TLE7: variants seen among roughly 807,000 people sequenced by gnomAD.
The protein encoded by TLE7 is transducin-like enhancer protein 7.
intron 1 of TLE7, among the ~76,000 whole-genome samples, chr16:71,433,923 A>C (rs1408618130): frequency 6.6e-6 from 1 of 152,164 alleles, no homozygotes; most frequent in Non-Finnish European, 1.5e-5. Context: ...GTGCCACTGC[A>C]CTCCAGCCTG....
intron 1 of TLE7, among the ~76,000 whole-genome samples, chr16:71,441,310 G>T (rs1345764513): frequency 2.6e-5 from 4 of 152,230 alleles, no homozygotes; most frequent in South Asian, 2.1e-4. Context: ...GTCTTGAACT[G>T]CTGGCCCCAA....
chr16:71,430,852 A>G (rs1453494569), intron 8 of TLE7, 111 bp from the exon 9 acceptor site: 6 of 397,198 alleles, frequency 1.5e-5, no homozygotes, highest in East Asian at 7.1e-5. Context: ...TTCCCTATCT[A>G]TGAAAATCAG....
At chr16:71,432,777 A>C (rs891081104) in intron 3 of TLE7, 54 bp from the exon 4 acceptor site, 5 of 398,500 alleles carry the variant, frequency 1.3e-5, no homozygotes, top group Non-Finnish European at 1.8e-5. Flanking sequence ...CTTCAGGGAG[A>C]AGCCTGCTCT....
intron 1 of TLE7, among the ~76,000 whole-genome samples, chr16:71,441,594 G>A (rs1386300071): frequency 1.3e-5 from 2 of 152,248 alleles, no homozygotes; most frequent in Non-Finnish European, 2.9e-5. Context: ...CGCGCTCCCG[G>A]AAAGCGGGCA....
chr16:71,435,852 G>A (rs2145044980), intron 1 of TLE7, among the ~76,000 whole-genome samples: 1 of 152,330 alleles, frequency 6.6e-6, no homozygotes, highest in South Asian at 2.1e-4. Flanking sequence ...TGAGCTTGGA[G>A]CATGGAAACT....
rs1192221516 is a variant in TLE7 at position 71,433,174 on chromosome 16, A to C, written c.151T>G (p.Trp51Gly). The change falls in exon 2 of 10, where the codon TGG becomes GGG. Residue 51 changes from tryptophan (W) to glycine (G), a missense_variant. Trp to Gly is a radical substitution (Grantham distance 184, BLOSUM62 -2). Transcript: ENST00000561754. ...QQLGSLLGVPWQPPGPPIQHS... is the reference protein window; with the variant it reads ...QQLGSLLGVPGQPPGPPIQHS... ...TGTATTGGGGGGCCCGGGGGCTGCC[A>C]GGGCACTCCCAACAGACTGCCCAGT... is the stretch of plus-strand genomic sequence containing the variant. 5.0e-6 allele frequency: 2 copies of C among 398,590 alleles called. No individual in the cohort carries two copies. The highest frequency in any genetic ancestry group is 8.8e-6 in the Non-Finnish European group (2 of 226,144). 24.7% of individuals were successfully genotyped at this position (398,590 alleles called of 1,614,324 possible).
intron 1 of TLE7, among the ~76,000 whole-genome samples, chr16:71,434,842 G>C (rs1293600974): frequency 6.6e-6 from 1 of 152,170 alleles, no homozygotes; most frequent in East Asian, 1.9e-4. Context: ...CCGATGCAGT[G>C]ACCTTTAACC....
At position 71,431,330 on chromosome 16, in the gene TLE7, G is replaced by C. The variant is rs1361567152; in HGVS notation, c.994-56C>G. 1 of 399,234 alleles carries C rather than the reference G, an allele frequency of 2.5e-6. No individual in the cohort carries two copies. The highest frequency in any genetic ancestry group is 4.4e-6 in the Non-Finnish European group (1 of 226,238). The allele number at this position is 399,234 out of a possible 1,614,324, so 24.7% of individuals were successfully genotyped here. On this transcript the variant is annotated intron_variant, in intron 7 of 9. Coordinates refer to ENST00000561754, the MANE Select transcript of TLE7 (RefSeq NM_001367365.2). The surrounding 1 kb of genome is among the most constrained non-coding windows in gnomAD (Gnocchi z 4.5). ...CTCAAAGTTGCCAACGCCATCCTTT[G>C]TGCCCACCTCTCAAGCTCACACTCC...
rs1567555568 is a variant in TLE7, at chr16:71,432,144, C to G, written c.575G>C (p.Gly192Ala). ...RVWDESALHAGEKAPRAQLDL... is the reference protein window; with the variant it reads ...RVWDESALHAAEKAPRAQLDL... The stretch of plus-strand genomic sequence containing the variant: ...CAGCTGGGCCCGAGGGGCCTTCTCC[C>G]CCGCATGCAGCGCACTCTCATCCCA... The change falls in exon 5 of 10, where the codon GGG becomes GCG. Residue 192 changes from glycine (G) to alanine (A), a missense_variant. Coordinates refer to ENST00000561754, the MANE Select transcript of TLE7 (RefSeq NM_001367365.2). 1 of 401,018 alleles carries G rather than the reference C, an allele frequency of 2.5e-6. No individual in the cohort carries two copies. The highest frequency in any genetic ancestry group is 4.4e-5 in the Admixed American group (1 of 22,730). 24.8% of individuals were successfully genotyped at this position (401,018 alleles called of 1,614,324 possible).
At chr16:71,441,718 C>G (rs1244124832) in intron 1 of TLE7, among the ~76,000 whole-genome samples, 6 of 152,230 alleles carry the variant, frequency 3.9e-5, no homozygotes, top group Non-Finnish European at 8.8e-5. Context: ...CGCAGGGCCC[C>G]GCTCCCCTGC....
chr16:71,439,415 A>C (rs568292331), intron 1 of TLE7, among the ~76,000 whole-genome samples: 3 of 152,164 alleles, frequency 2.0e-5, no homozygotes, highest in African/African-American at 4.8e-5. Flanking sequence ...TGGAGCACAG[A>C]GGGTGTGTGT....
At chr16:71,433,467 A>T (rs2042815250) in intron 1 of TLE7, 47 bp from the exon 2 acceptor site, 1 of 397,352 alleles carries the variant, frequency 2.5e-6, no homozygotes, top group Admixed American at 4.4e-5. Context: ...TGTGCTCTGT[A>T]GGGTCTCTTT....
chr16:71,439,231 G>A (rs1343682266), intron 1 of TLE7, among the ~76,000 whole-genome samples: 2 of 152,284 alleles, frequency 1.3e-5, no homozygotes, highest in Non-Finnish European at 1.5e-5. Context: ...TGTGAGCCCA[G>A]AGAAAGTCAC....
At chr16:71,433,562 A>G (rs988513203) in intron 1 of TLE7, 142 bp from the exon 2 acceptor site, 1 of 381,634 alleles carries the variant, frequency 2.6e-6, no homozygotes, top group Non-Finnish European at 4.6e-6. Flanking sequence ...GTTGGCGGCA[A>G]TGATGTCAAG....
chr16:71,435,066 TG>T lies in TLE7; in HGVS notation c.-96-1647del, dbSNP rs2042821062. On this transcript the variant is annotated intron_variant, in intron 1 of 9. Transcript: ENST00000561754. Reference sequence around the variant, plus strand: ...CCAAATGGCCATGGGAGGAGACTGGTGCAATAAGTTAGAGTATAGCCATATG... The same window carrying T: ...CCAAATGGCCATGGGAGGAGACTGGTCAATAAGTTAGAGTATAGCCATATG... 2.0e-5 allele frequency among the ~76,000 whole-genome samples: 3 copies of T among 152,268 alleles called. No individual in the cohort carries two copies. The South Asian group carries it at 6.2e-4, about 32-fold the overall frequency.
chr16:71,439,138 G>A (rs2145047324), intron 1 of TLE7, among the ~76,000 whole-genome samples: 1 of 152,278 alleles, frequency 6.6e-6, no homozygotes, highest in East Asian at 1.9e-4. Context: ...CTCTTTGAAG[G>A]GAAACTGACC....
At chr16:71,438,438 A>AGAG (rs1424468768) in intron 1 of TLE7, among the ~76,000 whole-genome samples, 3 of 147,128 alleles carry the variant, frequency 2.0e-5, no homozygotes, top group African/African-American at 7.8e-5. Flanking sequence ...AAAAAAAAAA[A>AGAG]AAAGAGAGAG....
chr16:71,437,170 G>T (rs1333519570), intron 1 of TLE7, among the ~76,000 whole-genome samples: 1 of 152,126 alleles, frequency 6.6e-6, no homozygotes, highest in African/African-American at 2.4e-5. Context: ...CCAACATGGT[G>T]AAACCCTGTC....
chr16:71,439,805 C>T (rs1358120605), intron 1 of TLE7, among the ~76,000 whole-genome samples: 5 of 152,198 alleles, frequency 3.3e-5, no homozygotes. Flanking sequence ...CTGTGAAAAA[C>T]AGTTTGGCAA....
Sources: allele counts gnomAD v4.1 joint callset (sites outside exome capture counted in the v4.1 genomes callset), GRCh38; gene constraint gnomAD v4.1.1; non-coding constraint Gnocchi (gnomAD v3.1); transcripts MANE v1.5; gene names NCBI Gene and HGNC (gene_info 2026-07-23, HGNC 2026-07-21).